Variants in TICAM2 observed in about 807,000 individuals in gnomAD.
The protein encoded by TICAM2 is TIR domain-containing adapter molecule 2.
A neutral mutation model predicts 7.3 loss-of-function variants in TICAM2; 8 were observed. The ratio of observed to expected loss-of-function variants is 1.10; its 90% CI spans 0.65 to 1.99. TICAM2 has a LOEUF of 1.99. Among genes scored for constraint, TICAM2 ranks in the 30% most tolerant of loss-of-function variants. The probability of loss-of-function intolerance (pLI) is 0.00; values close to 1 mark genes in which losing one functional copy is unlikely to be tolerated. For missense variants in TICAM2, 304 were observed against 278.8 expected (o/e 1.09, Z -0.65); for synonymous variants, 113 against 99.6 (o/e 1.13, Z -0.80).
intron 1 of TICAM2, among the ~76,000 whole-genome samples, chr5:115,587,602 G>A (rs1755153601): frequency 6.6e-6 from 1 of 152,180 alleles, no homozygotes; most frequent in South Asian, 2.1e-4. Context: ...AGAGGGAAGA[G>A]TCAGGGATGC....
intron 1 of TICAM2, among the ~76,000 whole-genome samples, chr5:115,596,892 G>C (rs1398667768): frequency 1.3e-5 from 2 of 152,202 alleles, no homozygotes; most frequent in Non-Finnish European, 2.9e-5. Flanking sequence ...GCACACTCCA[G>C]CCTGGGAGAC....
intron 1 of TICAM2, among the ~76,000 whole-genome samples, chr5:115,585,893 AG>A (rs1253281284): frequency 1.3e-5 from 2 of 152,210 alleles, no homozygotes; most frequent in African/African-American, 4.8e-5. Flanking sequence ...AGTCTGTTGC[AG>A]AAACCCAATA....
Position 115,580,081 on chromosome 5 carries a change from A to C in TICAM2, c.*468T>G, listed in dbSNP as rs922678964. ...GCTAAATGTTCTATTCTGGCAATTC[A>C]TATTTCTGGGTGATAGTACCCGAAT... On this transcript the variant is annotated 3_prime_UTR_variant, in exon 2 of 2. Transcript: ENST00000427199. 1.8e-4 allele frequency: 28 copies of C among 153,438 alleles called. No individual in the cohort carries two copies. The highest frequency in any genetic ancestry group is 3.0e-4 in the Non-Finnish European group (21 of 68,868). 9.5% of individuals were successfully genotyped at this position (153,438 alleles called of 1,614,324 possible). A position where few individuals can be genotyped will look rare whatever the true frequency, so the allele number is the denominator to read the frequency against.
intron 1 of TICAM2, among the ~76,000 whole-genome samples, chr5:115,593,186 TTAAAAA>T (rs143307609): frequency 3.2e-4 from 48 of 152,206 alleles, no homozygotes; most frequent in African/African-American, 1.1e-3. Flanking sequence ...ACATTGACAA[TTAAAAA>T]TAAAAATATT....
intron 1 of TICAM2, among the ~76,000 whole-genome samples, chr5:115,588,571 T>A (rs1266627392): frequency 6.6e-6 from 1 of 152,214 alleles, no homozygotes; most frequent in Non-Finnish European, 1.5e-5. Context: ...TCTGTAGATC[T>A]GCTGCAGTAT....
intron 1 of TICAM2, among the ~76,000 whole-genome samples, chr5:115,590,882 T>C (rs1755276346): frequency 6.6e-6 from 1 of 152,190 alleles, no homozygotes; most frequent in Admixed American, 6.5e-5. Flanking sequence ...CATTTAACTA[T>C]ACCATCATGT....
chr5:115,587,225 T>C (rs2546470), intron 1 of TICAM2, among the ~76,000 whole-genome samples: 29 of 152,202 alleles, frequency 1.9e-4, no homozygotes, highest in Non-Finnish European at 4.0e-4. Flanking sequence ...GGCAGACAGA[T>C]AGCCCCTGGT....
chr5:115,580,992 C>A lies in TICAM2; in HGVS notation c.265G>T (p.Asp89Tyr). 6.2e-7 allele frequency: 1 copy of A among 1,613,928 alleles called. No homozygotes were observed. Among genetic ancestry groups the A allele is most frequent in the Non-Finnish European group, 8.5e-7 (1 of 1,179,922 alleles). ...TGGACTCTGAGGGCTTCATCTGTGT[C>A]ATCTTCTGCATGCAATATCACAAAT... ...LKFVILHAED[D>Y]TDEALRVQNL... Residue 89 changes from aspartate (D) to tyrosine (Y), a missense_variant, in exon 2 of 2, where the codon GAC (aspartate) becomes TAC (tyrosine). By Grantham distance (160) the Asp-to-Tyr change is radical. Transcript: ENST00000427199.
In TICAM2 at chr5:115,581,030, T is replaced by G. The variant is rs1754902457; in HGVS notation, c.227A>C (p.Glu76Ala). ...EEMFEEEAEEEVFLKFVILHA... is the reference protein window; with the variant it reads ...EEMFEEEAEEAVFLKFVILHA... The stretch of plus-strand genomic sequence containing the variant: ...CAATATCACAAATTTGAGGAACACC[T>G]CTTCTTCAGCTTCTTCTTCAAACAT... The change falls in exon 2 of 2, where the codon GAG (glutamate) becomes GCG (alanine). Residue 76 changes from glutamate to alanine, a missense_variant. Physicochemically the swap from Glu to Ala is moderately radical, Grantham distance 107. Coordinates refer to ENST00000427199, the MANE Select transcript of TICAM2 (RefSeq NM_021649.7). The G allele has an allele frequency of 6.2e-7, 1 of 1,614,066 alleles. No individual in the cohort carries two copies. Among genetic ancestry groups the G allele is most frequent in the Non-Finnish European group, 8.5e-7 (1 of 1,180,040 alleles).
At chr5:115,601,742 C>T (rs929505962) in intron 1 of TICAM2, among the ~76,000 whole-genome samples, 4 of 152,232 alleles carry the variant, frequency 2.6e-5, no homozygotes, top group Non-Finnish European at 5.9e-5. Context: ...GCCAAAACCT[C>T]CAGCACTGGC....
intron 1 of TICAM2, among the ~76,000 whole-genome samples, chr5:115,584,573 T>C (rs1313780449): frequency 1.3e-5 from 2 of 152,250 alleles, no homozygotes; most frequent in African/African-American, 4.8e-5. Flanking sequence ...GTGATTCATT[T>C]GGTCAAATTG....
At chr5:115,594,174 C>G (rs1561577683) in intron 1 of TICAM2, among the ~76,000 whole-genome samples, 1 of 152,146 alleles carries the variant, frequency 6.6e-6, no homozygotes, top group Non-Finnish European at 1.5e-5. Context: ...GTAACATTAT[C>G]TACTTACTTA....
At chr5:115,595,686 A>G (rs1239560046) in intron 1 of TICAM2, among the ~76,000 whole-genome samples, 1 of 152,076 alleles carries the variant, frequency 6.6e-6, no homozygotes. Context: ...TTATGATCCA[A>G]TCTCTCCTTT....
At chr5:115,599,244 A>T (rs573996247) in intron 1 of TICAM2, among the ~76,000 whole-genome samples, 1 of 152,186 alleles carries the variant, frequency 6.6e-6, no homozygotes, top group East Asian at 1.9e-4. Context: ...TCCAAATGTT[A>T]GATTATTGCT....
intron 1 of TICAM2, among the ~76,000 whole-genome samples, chr5:115,591,033 T>C (rs1755281334): frequency 6.6e-6 from 1 of 152,050 alleles, no homozygotes; most frequent in Non-Finnish European, 1.5e-5. Flanking sequence ...GGATCAATGC[T>C]ACTGCTGAGG....
At chr5:115,596,677 T>C (rs533362165) in intron 1 of TICAM2, among the ~76,000 whole-genome samples, 1 of 152,310 alleles carries the variant, frequency 6.6e-6, no homozygotes, top group East Asian at 1.9e-4. Flanking sequence ...CCCAGCACTT[T>C]GGGAGGCCAA....
chr5:115,588,584 G>A (rs781699715), intron 1 of TICAM2, among the ~76,000 whole-genome samples: 2 of 152,202 alleles, frequency 1.3e-5, no homozygotes, highest in African/African-American at 2.4e-5. Flanking sequence ...TGCAGTATCT[G>A]CTAAAGAATT....
At chr5:115,591,624 G>C (rs1755306513) in intron 1 of TICAM2, among the ~76,000 whole-genome samples, 1 of 151,994 alleles carries the variant, frequency 6.6e-6, no homozygotes, top group Non-Finnish European at 1.5e-5. Context: ...AAATATAATA[G>C]TTGAAATTAA....
At chr5:115,597,925 A>G (rs1755574398) in intron 1 of TICAM2, among the ~76,000 whole-genome samples, 1 of 152,220 alleles carries the variant, frequency 6.6e-6, no homozygotes, top group Non-Finnish European at 1.5e-5. Context: ...GTGAATACCA[A>G]AAAGGTAACA....
Sources: gnomAD v4.1 joint callset for allele counts (sites outside exome capture counted in the v4.1 genomes callset) on GRCh38, gnomAD v4.1.1 for gene constraint, MANE v1.5 for transcripts, NCBI Gene and HGNC (gene_info 2026-07-23, HGNC 2026-07-21) for gene names.